RSU1: variants seen among roughly 807,000 people sequenced by gnomAD.
RSU1 encodes the protein Ras suppressor protein 1.
Under a neutral mutation model 31.1 loss-of-function variants are expected in RSU1, and 26 were observed. The observed-to-expected ratio is 0.84, with a 90% confidence interval of 0.61 to 1.16. The LOEUF is 1.16. RSU1 is among the 50% of genes most tolerant of loss of function. RSU1 has a pLI of 0.00. For synonymous variants in RSU1, 164 were observed against 136.3 expected (o/e 1.20, Z -1.41); for missense variants, 320 against 339.1 (o/e 0.94, Z 0.44).
At chr10:16,651,161 CT>C (rs1270614208) in intron 8 of RSU1, among the ~76,000 whole-genome samples, 1 of 152,022 alleles carries the variant, frequency 6.6e-6, no homozygotes, top group Non-Finnish European at 1.5e-5. Context: ...TATGATGTTC[CT>C]TTTTATGTAT....
chr10:16,674,810 T>TAAA lies in RSU1; in HGVS notation c.731+20212_731+20213insTTT, dbSNP rs1415197838. Among the ~76,000 whole-genome samples the TAAA allele has an allele frequency of 8.5e-5, 13 of 152,150 alleles. No homozygotes were observed. In the South Asian group the frequency reaches 2.7e-3, roughly 32 times the overall value. On this transcript the variant is annotated intron_variant, in intron 8 of 8. Transcript: ENST00000345264. ...ACTGTGGGAGGCCGAGGTGGGCAGATCACTTGAGACTCAGGAGTTCGAGAC... is the reference window on the plus strand; with the variant it reads ...ACTGTGGGAGGCCGAGGTGGGCAGATAAACACTTGAGACTCAGGAGTTCGAGAC...
intron 8 of RSU1, among the ~76,000 whole-genome samples, chr10:16,618,419 G>A (rs1040291211): frequency 2.0e-5 from 3 of 152,176 alleles, no homozygotes; most frequent in Admixed American, 6.5e-5. Context: ...TCAGTGTGGC[G>A]ATTCCTCAAG....
intron 8 of RSU1, among the ~76,000 whole-genome samples, chr10:16,601,717 T>C (rs1218687999): frequency 6.6e-6 from 1 of 152,208 alleles, no homozygotes; most frequent in South Asian, 2.1e-4. Context: ...CGCATGTGGC[T>C]GGGGAATCTG....
chr10:16,743,321 G>C (rs982541705), intron 7 of RSU1, among the ~76,000 whole-genome samples: 6 of 152,124 alleles, frequency 3.9e-5, no homozygotes, highest in Admixed American at 2.0e-4. Flanking sequence ...CTAAAAACTG[G>C]ATTCTGTCTA....
intron 8 of RSU1, among the ~76,000 whole-genome samples, chr10:16,662,065 G>T (rs925325186): frequency 2.0e-5 from 3 of 152,054 alleles, no homozygotes; most frequent in Non-Finnish European, 4.4e-5. Flanking sequence ...TTCCCTTTTT[G>T]CAAGTGCCTT....
chr10:16,796,640 T>C (rs953899231), intron 2 of RSU1, among the ~76,000 whole-genome samples: 1 of 152,182 alleles, frequency 6.6e-6, no homozygotes, highest in African/African-American at 2.4e-5. Context: ...GAGTACCTGG[T>C]CTGCATCAGA....
chr10:16,703,951 C>T (rs1835844783), intron 7 of RSU1, among the ~76,000 whole-genome samples: 1 of 151,820 alleles, frequency 6.6e-6, no homozygotes, highest in African/African-American at 2.4e-5. Flanking sequence ...AGAGTGACTA[C>T]AACTTTCAGA....
At chr10:16,665,939 C>T (rs1211911919) in intron 8 of RSU1, among the ~76,000 whole-genome samples, 1 of 152,140 alleles carries the variant, frequency 6.6e-6, no homozygotes, top group Non-Finnish European at 1.5e-5. Flanking sequence ...TGGTATTCTG[C>T]CACATAAAAT....
chr10:16,711,083 G>T (rs764955667), intron 7 of RSU1, among the ~76,000 whole-genome samples: 4 of 152,000 alleles, frequency 2.6e-5, no homozygotes, highest in Non-Finnish European at 5.9e-5. Context: ...ATAACTAATT[G>T]TCTCACTAGT....
At chr10:16,694,475 T>C (rs149046013) in intron 8 of RSU1, among the ~76,000 whole-genome samples, 38 of 152,356 alleles carry the variant, frequency 2.5e-4, no homozygotes, top group African/African-American at 8.7e-4. Context: ...ACTAATTTAA[T>C]ACCTCAAAAA....
At chr10:16,594,491 C>A (rs1306920628) in intron 8 of RSU1, among the ~76,000 whole-genome samples, 4 of 151,048 alleles carry the variant, frequency 2.6e-5, no homozygotes, top group African/African-American at 9.8e-5. Context: ...TAGCTCACTG[C>A]AGCCTCAAAC....
At chr10:16,772,977 T>C (rs1263626001) in intron 3 of RSU1, among the ~76,000 whole-genome samples, 1 of 151,792 alleles carries the variant, frequency 6.6e-6, no homozygotes, top group Non-Finnish European at 1.5e-5. Flanking sequence ...GAGGCCGAGG[T>C]GGGTGGATTG....
intron 7 of RSU1, among the ~76,000 whole-genome samples, chr10:16,726,265 A>G (rs1319117122): frequency 1.4e-5 from 2 of 138,694 alleles, no homozygotes; most frequent in Non-Finnish European, 3.0e-5. Context: ...TTAGGAACGT[A>G]TCTTTTTTTT....
In RSU1 at chr10:16,591,019, C is replaced by A. The variant is rs1833496388; in HGVS notation, c.*2375G>T. On this transcript the variant is annotated 3_prime_UTR_variant, in exon 9 of 9. Coordinates refer to ENST00000345264, the MANE Select transcript of RSU1 (RefSeq NM_012425.4). Reference sequence around the variant, plus strand: ...CTCTGCCTCCCGGGTTCAATCAATTCTCCTGCCTCAGCCTCCTGAGCAGCT... The same window carrying A: ...CTCTGCCTCCCGGGTTCAATCAATTATCCTGCCTCAGCCTCCTGAGCAGCT... The A allele has an allele frequency of 6.6e-6, 1 of 152,186 alleles. No individual in the cohort carries two copies. The highest frequency in any genetic ancestry group is 2.1e-4 in the South Asian group (1 of 4,824). The allele number at this position is 152,186 out of a possible 1,614,324, so 9.4% of individuals were successfully genotyped here.
intron 3 of RSU1, among the ~76,000 whole-genome samples, chr10:16,772,641 G>GAAAAAAAAAAAAAAAAAAAAAAAAAAAAA (rs60460081): frequency 1.2e-4 from 8 of 64,772 alleles, no homozygotes; most frequent in African/African-American, 4.4e-4. Flanking sequence ...AGTAGAATAT[G>GAAAAAAAAAAAAAAAAAAAAAAAAAAAAA]AAAAAAAAAA....
chr10:16,807,839 C>G (rs1466057671), intron 2 of RSU1, among the ~76,000 whole-genome samples: 1 of 151,850 alleles, frequency 6.6e-6, no homozygotes, highest in African/African-American at 2.4e-5. Context: ...CTGGCTAACA[C>G]GGTGAAATCC....
intron 4 of RSU1, among the ~76,000 whole-genome samples, chr10:16,756,053 T>A (rs935643358): frequency 2.0e-5 from 3 of 152,224 alleles, no homozygotes; most frequent in African/African-American, 7.2e-5. Flanking sequence ...CATGAAGCTT[T>A]GTAGTTTTCA....
At chr10:16,656,368 T>C (rs1340677611) in intron 8 of RSU1, among the ~76,000 whole-genome samples, 1 of 152,232 alleles carries the variant, frequency 6.6e-6, no homozygotes, top group Admixed American at 6.5e-5. Context: ...TCAATCATAT[T>C]GTTGCATTGT....
intron 7 of RSU1, among the ~76,000 whole-genome samples, chr10:16,742,584 G>A (rs1468032437): frequency 1.3e-5 from 2 of 150,892 alleles, no homozygotes; most frequent in African/African-American, 4.9e-5. Flanking sequence ...GATAACAACT[G>A]TATTTAGAGA....
Sources: allele counts gnomAD v4.1 joint callset (sites outside exome capture counted in the v4.1 genomes callset), GRCh38; gene constraint gnomAD v4.1.1; transcripts MANE v1.5; gene names NCBI Gene and HGNC (gene_info 2026-07-23, HGNC 2026-07-21).